Variants in MAP3K19 observed in about 807,000 individuals in gnomAD.
MAP3K19 encodes the protein SPS1/STE20-related protein kinase YSK4.
Under a neutral mutation model 114.4 loss-of-function variants are expected in MAP3K19, and 91 were observed. That is an observed-to-expected ratio of 0.80 (90% CI 0.67 to 0.95). The LOEUF (loss-of-function observed/expected upper bound fraction) is 0.95. Ranked by LOEUF, MAP3K19 falls within the 40% of genes least tolerant of loss-of-function variation. MAP3K19 has a pLI of 0.00. For synonymous variants in MAP3K19, 518 were observed against 530.5 expected (o/e 0.98, Z 0.32); for missense variants, 1,471 against 1,573.2 (o/e 0.94, Z 1.10).
intron 5 of MAP3K19, among the ~76,000 whole-genome samples, chr2:135,014,406 T>G (rs1687448676): frequency 6.6e-6 from 1 of 151,568 alleles, no homozygotes; most frequent in South Asian, 2.1e-4. Context: ...TCCAGGCTCG[T>G]CTCAAACTCC....
intron 5 of MAP3K19, among the ~76,000 whole-genome samples, chr2:135,009,659 C>G (rs1687077126): frequency 1.3e-5 from 2 of 152,060 alleles, no homozygotes; most frequent in Non-Finnish European, 2.9e-5. Context: ...AAGTTGGAAG[C>G]CGGCAGTGTG....
At chr2:135,021,634 T>C (rs1687985676) in intron 5 of MAP3K19, 81 bp downstream of exon 5, 1 of 688,828 alleles carries the variant, frequency 1.5e-6, no homozygotes, top group Non-Finnish European at 2.5e-6. Flanking sequence ...AATATATGAG[T>C]GTTATGAAGT....
At chr2:135,012,676 C>T (rs988012351) in intron 5 of MAP3K19, among the ~76,000 whole-genome samples, 5 of 151,882 alleles carry the variant, frequency 3.3e-5, no homozygotes, top group Non-Finnish European at 7.4e-5. Context: ...TATTTTCTTC[C>T]GTATTTCTGC....
intron 10 of MAP3K19, 60 bp downstream of exon 10, chr2:134,985,740 A>G: frequency 7.1e-7 from 1 of 1,413,860 alleles, no homozygotes; most frequent in Non-Finnish European, 9.6e-7. Context: ...AGGGGTTTGA[A>G]CCAGATTGTC....
In MAP3K19 at chr2:134,986,647, T is replaced by C; in HGVS notation, c.2225A>G (p.Lys742Arg). The C allele has an allele frequency of 1.2e-6, 2 of 1,614,208 alleles. No homozygotes were observed. The highest frequency in any genetic ancestry group is 2.7e-5 in the African/African-American group (2 of 75,060). Residue 742 changes from lysine (K) to arginine (R), a missense_variant, in exon 10 of 13, where the codon AAA becomes AGA. By Grantham distance (26) the Lys-to-Arg change is conservative. Transcript: ENST00000392915. ...ATGTACAGCCTTGGAACTCTTTTCT[T>C]TAGAAATTAAGACTTTGTGCTCTTG... ...IKQEHKVLIS[K>R]EKSSKAVHSN...
intron 12 of MAP3K19, among the ~76,000 whole-genome samples, chr2:134,971,262 A>G (rs1683861630): frequency 1.3e-5 from 2 of 152,204 alleles, no homozygotes; most frequent in Admixed American, 1.3e-4. Context: ...TCACTAGTAT[A>G]AAACTCACTT....
At position 134,991,162 on chromosome 2, in the gene MAP3K19, G is replaced by A. The variant is rs575697218; in HGVS notation, c.618+375C>T. Among the ~76,000 whole-genome samples, 212 of 152,104 alleles carry A rather than the reference G, an allele frequency of 1.4e-3. 3 individuals carry two copies. Among genetic ancestry groups the A allele is most frequent in the Admixed American group, 2.4e-3 (37 of 15,264 alleles). ...TAAAAATACAAAAAATTAGCCGGGC[G>A]TGGTGGCGGGTGCGTGTAGTCCCAG... On this transcript the variant is annotated intron_variant, in intron 9 of 12. Transcript: ENST00000392915.
At chr2:135,033,373 A>ACC (rs1230827586) in intron 2 of MAP3K19, among the ~76,000 whole-genome samples, 1 of 88,024 alleles carries the variant, frequency 1.1e-5, no homozygotes, top group South Asian at 5.2e-4. Context: ...TGGGGGGCTG[A>ACC]CCCCCCCCAC....
intron 5 of MAP3K19, 23 bp from the exon 6 acceptor site, chr2:135,005,554 A>G: frequency 6.3e-7 from 1 of 1,576,882 alleles, no homozygotes; most frequent in South Asian, 1.1e-5. Context: ...AAAATTCAAA[A>G]CTCAGTTATT....
chr2:134,971,355 C>G (rs1027388332), intron 12 of MAP3K19, among the ~76,000 whole-genome samples: 20 of 152,178 alleles, frequency 1.3e-4, no homozygotes, highest in African/African-American at 4.8e-4. Context: ...CTGTGTTCAT[C>G]AAGGATACTG....
rs891145134 is a variant in MAP3K19 at position 134,997,448 on chromosome 2, T to A, written c.574+1290A>T. Among the ~76,000 whole-genome samples, 693 of 152,274 alleles carry A rather than the reference T, an allele frequency of 4.6e-3. 5 individuals are homozygous for A. The highest frequency in any genetic ancestry group is 0.016 in the African/African-American group (652 of 41,540). Reference sequence around the variant, plus strand: ...GGTTACACAACAATGTGAATGTACTTAAATGCCACTGAACTGTACACTTGA... The same window carrying A: ...GGTTACACAACAATGTGAATGTACTAAAATGCCACTGAACTGTACACTTGA... On this transcript the variant is annotated intron_variant, in intron 8 of 12. Coordinates refer to ENST00000392915, the MANE Select transcript of MAP3K19 (RefSeq NM_025052.5).
At chr2:135,022,079 A>C (rs1477078352) in intron 4 of MAP3K19, among the ~76,000 whole-genome samples, 1 of 152,162 alleles carries the variant, frequency 6.6e-6, no homozygotes, top group Non-Finnish European at 1.5e-5. Context: ...ACATAAGGAC[A>C]AAAAAATCAA....
chr2:135,004,344 T>G (rs1486801447), intron 6 of MAP3K19, among the ~76,000 whole-genome samples: 3 of 152,354 alleles, frequency 2.0e-5, no homozygotes, highest in African/African-American at 4.8e-5. Context: ...TTTTCATAAT[T>G]TTAATGGTTA....
At chr2:135,004,645 G>A (rs574033769) in intron 6 of MAP3K19, among the ~76,000 whole-genome samples, 3 of 152,350 alleles carry the variant, frequency 2.0e-5, no homozygotes, top group Admixed American at 6.5e-5. Context: ...ACAGACAAAT[G>A]GGATAGCCGT....
rs149627225 is a variant in MAP3K19 at position 135,017,468 on chromosome 2, T to G, written c.138+4247A>C. On this transcript the variant is annotated intron_variant, in intron 5 of 12. Transcript: ENST00000392915. ...TCCCATCTTTCACTTTGTATGTTGT[T>G]ACTAAGTCCAGAATTCCTCCAGCTC... 9.9e-5 allele frequency among the ~76,000 whole-genome samples: 15 copies of G among 152,268 alleles called. No homozygotes were observed. The East Asian group carries it at 2.7e-3, about 27-fold the overall frequency.
intron 3 of MAP3K19, among the ~76,000 whole-genome samples, chr2:135,027,131 G>C (rs780430175): frequency 6.6e-6 from 1 of 152,066 alleles, no homozygotes; most frequent in Non-Finnish European, 1.5e-5. Context: ...TGTAGTTCCA[G>C]CTACTCGAGA....
chr2:134,971,865 C>T (rs1683904822), intron 12 of MAP3K19, among the ~76,000 whole-genome samples: 1 of 150,708 alleles, frequency 6.6e-6, no homozygotes, highest in South Asian at 2.1e-4. Flanking sequence ...ACCAACTTCT[C>T]ATTTCACTGA....
At chr2:135,011,750 A>G (rs1687252074) in intron 5 of MAP3K19, among the ~76,000 whole-genome samples, 1 of 151,976 alleles carries the variant, frequency 6.6e-6, no homozygotes, top group African/African-American at 2.4e-5. Context: ...TGGTGTGATC[A>G]TAGCTCACTG....
intron 5 of MAP3K19, among the ~76,000 whole-genome samples, chr2:135,015,677 G>A (rs1251867436): frequency 3.3e-5 from 5 of 151,872 alleles, no homozygotes; most frequent in African/African-American, 9.7e-5. Context: ...GGTGGATCAC[G>A]AGGTCAGGAG....
Sources: allele counts gnomAD v4.1 joint callset (sites outside exome capture counted in the v4.1 genomes callset), GRCh38; gene constraint gnomAD v4.1.1; transcripts MANE v1.5; gene names NCBI Gene and HGNC (gene_info 2026-07-23, HGNC 2026-07-21).